The following WDR41 variants were observed in gnomAD, a reference collection of about 807,000 sequenced individuals.
The protein encoded by WDR41 is WD repeat-containing protein 41.
In WDR41, 63 loss-of-function variants were observed where a neutral mutation model predicts 69.3. That is an observed-to-expected ratio of 0.91 (90% CI 0.74 to 1.12). The LOEUF is 1.12. WDR41 is among the 50% of genes most tolerant of loss of function. The pLI is 0.00. For synonymous variants in WDR41, 185 were observed against 192.1 expected, an observed-to-expected ratio of 0.96 and a Z score of 0.31; for missense variants, 543 against 534.5, an observed-to-expected ratio of 1.02 and a Z score of -0.16.
chr5:77,568,342 C>T (rs758233122), intron 1 of WDR41, among the ~76,000 whole-genome samples: 2 of 152,124 alleles, frequency 1.3e-5, no homozygotes, highest in Non-Finnish European at 2.9e-5. Context: ...CCCTTTGTGC[C>T]AGGATTTTCA....
At chr5:77,522,674 C>T (rs944447226) in intron 1 of WDR41, among the ~76,000 whole-genome samples, 3 of 151,762 alleles carry the variant, frequency 2.0e-5, no homozygotes, top group African/African-American at 7.3e-5. Context: ...AACAACCATC[C>T]AAGAAATAGT....
intron 1 of WDR41, among the ~76,000 whole-genome samples, chr5:77,498,822 AAAAAAAAGAAAAAAGAAAAAG>A (rs1162301707): frequency 4.0e-5 from 6 of 151,320 alleles, no homozygotes; most frequent in Non-Finnish European, 7.4e-5. Context: ...CCATCAAAAA[AAAAAAAAGAAAAAAGAAAAAG>A]AAAAAAAGAA....
At chr5:77,548,816 G>C (rs763564233) in intron 1 of WDR41, among the ~76,000 whole-genome samples, 6 of 152,124 alleles carry the variant, frequency 3.9e-5, no homozygotes, top group Non-Finnish European at 5.9e-5. Context: ...ATATGGAAAA[G>C]ATACTTGCAC....
At chr5:77,597,667 G>C (rs895778395) in intron 1 of WDR41, among the ~76,000 whole-genome samples, 1 of 152,178 alleles carries the variant, frequency 6.6e-6, no homozygotes, top group Admixed American at 6.5e-5. Flanking sequence ...TTTGTTCACT[G>C]CTTTATCCTC....
At chr5:77,502,634 C>G (rs1802037837) in intron 1 of WDR41, among the ~76,000 whole-genome samples, 2 of 152,186 alleles carry the variant, frequency 1.3e-5, no homozygotes, top group South Asian at 4.2e-4. Flanking sequence ...GGTCCAGTTA[C>G]CCACAAAGGG....
rs34759217 is a variant in WDR41, at chr5:77,599,197, CTTTT to C, written c.42+21278_42+21281del. Among the ~76,000 whole-genome samples the C allele has an allele frequency of 3.9e-5, 3 of 76,210 alleles. No homozygotes were observed. In the South Asian group the frequency reaches 1.8e-3, roughly 45 times the overall value. The allele number at this position is 76,210 out of a possible 152,430, so 50.0% of individuals were successfully genotyped here. ...GGTTATCTCTTGCTAATCGGAAGCT[CTTTT>C]TTTTTTTTTTTTTTTTTTTGAGATG... On this transcript the variant is annotated intron_variant, in intron 1 of 5. Transcript: ENST00000509971.
At chr5:77,473,160 C>T (rs1291434237) in intron 2 of WDR41, among the ~76,000 whole-genome samples, 1 of 152,180 alleles carries the variant, frequency 6.6e-6, no homozygotes, top group African/African-American at 2.4e-5. Context: ...ACCATCTGAT[C>T]TTTGACAAAC....
intron 1 of WDR41, among the ~76,000 whole-genome samples, chr5:77,530,018 G>GAAAGGAAT (rs1464760473): frequency 6.6e-6 from 1 of 151,378 alleles, no homozygotes; most frequent in East Asian, 1.9e-4. Context: ...TCAAGATACA[G>GAAAGGAAT]AAAGGAATAA....
At chr5:77,614,897 G>C (rs1360466319) in intron 1 of WDR41, among the ~76,000 whole-genome samples, 1 of 151,860 alleles carries the variant, frequency 6.6e-6, no homozygotes, top group African/African-American at 2.4e-5. Flanking sequence ...CAGAAAACAG[G>C]GCATTCTACA....
At chr5:77,485,928 CTGGATT>C (rs1801498995) in intron 2 of WDR41, among the ~76,000 whole-genome samples, 1 of 151,494 alleles carries the variant, frequency 6.6e-6, no homozygotes, top group African/African-American at 2.4e-5. Context: ...AGCGTGAAAC[CTGGATT>C]ATAACAGCTG....
chr5:77,462,409 C>CA (rs10670808), intron 4 of WDR41, among the ~76,000 whole-genome samples: 3,387 of 102,324 alleles, frequency 0.033, 114 homozygotes, highest in Non-Finnish European at 0.039. Flanking sequence ...AACTCCGTCT[C>CA]AAAAAAAAAA....
chr5:77,534,386 C>G (rs1742923239), intron 1 of WDR41, among the ~76,000 whole-genome samples: 1 of 152,104 alleles, frequency 6.6e-6, no homozygotes, highest in Non-Finnish European at 1.5e-5. Flanking sequence ...GCAAGGGTAA[C>G]TAAGCAGAGA....
At chr5:77,551,281 G>C (rs144301954) in intron 1 of WDR41, among the ~76,000 whole-genome samples, 2 of 152,222 alleles carry the variant, frequency 1.3e-5, no homozygotes, top group Non-Finnish European at 2.9e-5. Flanking sequence ...GATTTTGTAT[G>C]TTTAAGAAGG....
At chr5:77,442,420 C>A (rs1209157294) in intron 8 of WDR41, among the ~76,000 whole-genome samples, 1 of 151,980 alleles carries the variant, frequency 6.6e-6, no homozygotes, top group Non-Finnish European at 1.5e-5. Context: ...AAACAGTAAA[C>A]CATATTAATA....
chr5:77,468,867 T>C (rs1800423962), intron 2 of WDR41, among the ~76,000 whole-genome samples: 1 of 152,164 alleles, frequency 6.6e-6, no homozygotes, highest in Non-Finnish European at 1.5e-5. Context: ...ACGCAGGATC[T>C]AAATAAGGTC....
chr5:77,470,677 AAAG>A (rs991208727), intron 2 of WDR41, among the ~76,000 whole-genome samples: 9 of 152,212 alleles, frequency 5.9e-5, no homozygotes, highest in African/African-American at 1.2e-4. Context: ...CAAAAGAGAC[AAAG>A]AAGGCCATTA....
At chr5:77,512,045 T>C (rs890418659) in intron 1 of WDR41, among the ~76,000 whole-genome samples, 1 of 152,170 alleles carries the variant, frequency 6.6e-6, no homozygotes, top group African/African-American at 2.4e-5. Context: ...TATCTACAGA[T>C]ACAGAACAAC....
At chr5:77,589,777 G>T (rs1351445456) in intron 1 of WDR41, among the ~76,000 whole-genome samples, 1 of 151,958 alleles carries the variant, frequency 6.6e-6, no homozygotes, top group Admixed American at 6.6e-5. Flanking sequence ...CATGAACAAT[G>T]ACATTTTTAT....
chr5:77,444,134 G>A (rs1799283875), intron 8 of WDR41, among the ~76,000 whole-genome samples: 1 of 151,192 alleles, frequency 6.6e-6, no homozygotes, highest in Non-Finnish European at 1.5e-5. Flanking sequence ...CCCACCTCAA[G>A]CTCCCAAAGT....
Sources: allele counts gnomAD v4.1 joint callset (sites outside exome capture counted in the v4.1 genomes callset), GRCh38; gene constraint gnomAD v4.1.1; transcripts MANE v1.5; gene names NCBI Gene and HGNC (gene_info 2026-07-23, HGNC 2026-07-21).